CDH12: variants seen among roughly 807,000 people sequenced by gnomAD.
CDH12 encodes cadherin 12.
CDH12 carries 41 observed loss-of-function variants against 74.1 expected under a neutral mutation model. The observed-to-expected ratio is 0.55, with a 90% CI of 0.43 to 0.72. CDH12 has a LOEUF of 0.72. CDH12 is among the 30% of genes least tolerant of loss of function. The pLI is 0.00. For missense variants in CDH12, 945 were observed against 977.2 expected, an observed-to-expected ratio of 0.97 and a Z score of 0.44; for synonymous variants, 399 against 355.0, an observed-to-expected ratio of 1.12 and a Z score of -1.39.
chr5:22,805,315 C>T (rs1460966596), intron 1 of CDH12, among the ~76,000 whole-genome samples: 1 of 151,950 alleles, frequency 6.6e-6, no homozygotes, highest in East Asian at 1.9e-4. Context: ...ATTGATGTGG[C>T]TGAACTCCAC....
intron 3 of CDH12, among the ~76,000 whole-genome samples, chr5:22,403,277 T>C (rs1315389508): frequency 1.3e-5 from 2 of 152,200 alleles, no homozygotes; most frequent in African/African-American, 4.8e-5. Flanking sequence ...ATATTCACTT[T>C]ACATGTGGGT....
At chr5:22,284,558 C>G (rs1348193626) in intron 3 of CDH12, among the ~76,000 whole-genome samples, 1 of 152,168 alleles carries the variant, frequency 6.6e-6, no homozygotes, top group East Asian at 1.9e-4. Flanking sequence ...AGCATGGCAG[C>G]TTGCTTCATC....
Position 22,483,763 on chromosome 5 carries a change from T to TATATATATATATATATATATATATATAA in CDH12, c.-428+21506_-428+21507insTTATATATATATATATATATATATATAT, listed in dbSNP as rs902754630. Among the ~76,000 whole-genome samples the TATATATATATATATATATATATATATAA allele has an allele frequency of 2.7e-3, 251 of 91,810 alleles. 22 individuals carry two copies. The highest frequency in any genetic ancestry group is 5.1e-3 in the South Asian group (13 of 2,568). 60.2% of individuals were successfully genotyped at this position (91,810 alleles called of 152,430 possible). On this transcript the variant is annotated intron_variant, in intron 2 of 14. Coordinates refer to ENST00000382254, the MANE Select transcript of CDH12 (RefSeq NM_004061.5). The stretch of plus-strand genomic sequence containing the variant: ...TCTTTCAAAACTATATATATATATA[T>TATATATATATATATATATATATATATAA]AAATTTAATTAATTGGGCATGGTGG...
intron 6 of CDH12, among the ~76,000 whole-genome samples, chr5:21,972,761 A>C (rs1341041771): frequency 1.3e-5 from 2 of 152,144 alleles, no homozygotes; most frequent in Non-Finnish European, 2.9e-5. Flanking sequence ...TTTATTTTTT[A>C]ACATTCAATT....
At chr5:21,820,197 TTA>T (rs1413806084) in intron 8 of CDH12, among the ~76,000 whole-genome samples, 1 of 151,954 alleles carries the variant, frequency 6.6e-6, no homozygotes, top group African/African-American at 2.4e-5. Flanking sequence ...GATACGAACT[TTA>T]TGTTCTATAA....
At chr5:22,047,736 T>C (rs767026576) in intron 5 of CDH12, among the ~76,000 whole-genome samples, 2 of 152,206 alleles carry the variant, frequency 1.3e-5, no homozygotes, top group Non-Finnish European at 1.5e-5. Context: ...GTCCACTTAA[T>C]ACATCCAACT....
At chr5:22,608,508 T>C (rs1317471308) in intron 1 of CDH12, among the ~76,000 whole-genome samples, 1 of 152,182 alleles carries the variant, frequency 6.6e-6, no homozygotes, top group Non-Finnish European at 1.5e-5. Context: ...AGATAAGCTA[T>C]TGGCCTTGGA....
chr5:22,657,073 A>C (rs950845795), intron 1 of CDH12, among the ~76,000 whole-genome samples: 10 of 152,186 alleles, frequency 6.6e-5, no homozygotes, highest in Non-Finnish European at 1.5e-4. Flanking sequence ...GAAATGATGC[A>C]TTACTACCTA....
intron 7 of CDH12, among the ~76,000 whole-genome samples, chr5:21,843,688 A>G (rs191459168): frequency 4.6e-5 from 7 of 151,912 alleles, no homozygotes; most frequent in Admixed American, 1.3e-4. Context: ...CTTATTTTGT[A>G]TTTTAGTAGA....
intron 4 of CDH12, among the ~76,000 whole-genome samples, chr5:22,105,056 C>T (rs1043491083): frequency 1.3e-5 from 2 of 151,922 alleles, no homozygotes; most frequent in African/African-American, 4.8e-5. Context: ...TCATCTTTCC[C>T]TGCGCGTATG....
chr5:22,609,808 A>G (rs1036469569), intron 1 of CDH12, among the ~76,000 whole-genome samples: 1 of 152,220 alleles, frequency 6.6e-6, no homozygotes, highest in African/African-American at 2.4e-5. Flanking sequence ...GTCTGTTTGT[A>G]TTTTTGATTG....
At chr5:21,810,200 TA>T (rs1747672820) in intron 9 of CDH12, among the ~76,000 whole-genome samples, 1 of 152,148 alleles carries the variant, frequency 6.6e-6, no homozygotes. Context: ...GAAACTGATT[TA>T]AGTAAGATGA....
At chr5:22,568,164 T>C (rs993528174) in intron 1 of CDH12, among the ~76,000 whole-genome samples, 4 of 152,218 alleles carry the variant, frequency 2.6e-5, no homozygotes, top group Non-Finnish European at 5.9e-5. Context: ...TAAATTCTTT[T>C]AGGCCTTAGA....
chr5:21,923,121 T>C (rs1754433856), intron 6 of CDH12, among the ~76,000 whole-genome samples: 2 of 152,120 alleles, frequency 1.3e-5, no homozygotes, highest in African/African-American at 2.4e-5. Context: ...TTTAATGCAA[T>C]AAAGTTTTAA....
intron 1 of CDH12, among the ~76,000 whole-genome samples, chr5:22,535,699 C>G (rs1737815615): frequency 6.6e-6 from 1 of 152,160 alleles, no homozygotes; most frequent in Non-Finnish European, 1.5e-5. Context: ...TGTGCTTTCT[C>G]TAAGAGCAAA....
chr5:22,111,307 T>A (rs1744802300), intron 4 of CDH12, among the ~76,000 whole-genome samples: 1 of 152,190 alleles, frequency 6.6e-6, no homozygotes, highest in African/African-American at 2.4e-5. Flanking sequence ...AAGAGAGATA[T>A]ACCTTTAAAA....
At chr5:22,450,254 T>C (rs1326314266) in intron 2 of CDH12, among the ~76,000 whole-genome samples, 1 of 151,998 alleles carries the variant, frequency 6.6e-6, no homozygotes, top group African/African-American at 2.4e-5. Context: ...CTACATGATA[T>C]GTAGCATGTT....
intron 10 of CDH12, among the ~76,000 whole-genome samples, chr5:21,789,897 G>T (rs1746396717): frequency 6.6e-6 from 1 of 152,046 alleles, no homozygotes; most frequent in South Asian, 2.1e-4. Context: ...CTGGGATGTT[G>T]TTTGTACATA....
intron 11 of CDH12, chr5:21,774,427 C>T (rs1171519208): frequency 6.6e-6 from 1 of 152,016 alleles, no homozygotes; most frequent in Admixed American, 6.6e-5. Context: ...GGCTTCCCTA[C>T]TTTTGAGGTT....
Sources: allele counts gnomAD v4.1 joint callset (sites outside exome capture counted in the v4.1 genomes callset), GRCh38; gene constraint gnomAD v4.1.1; transcripts MANE v1.5; gene names NCBI Gene and HGNC (gene_info 2026-07-23, HGNC 2026-07-21).